RNF19A: variants seen among roughly 807,000 people sequenced by gnomAD.
The protein encoded by RNF19A is E3 ubiquitin-protein ligase RNF19A.
A neutral mutation model predicts 75.7 loss-of-function variants in RNF19A; 32 were observed. That is an observed-to-expected ratio of 0.42 (90% CI 0.32 to 0.57). The LOEUF (loss-of-function observed/expected upper bound fraction) is 0.57. Among genes scored for constraint, RNF19A ranks in the 20% least tolerant of loss-of-function variants. RNF19A has a pLI of 0.10. For synonymous variants in RNF19A, 335 were observed against 345.2 expected, an observed-to-expected ratio of 0.97 and a Z score of 0.33; for missense variants, 782 against 1,036.3, an observed-to-expected ratio of 0.75 and a Z score of 3.37.
In RNF19A at chr8:100,257,519, A is replaced by G. The variant is rs1159276156; in HGVS notation, c.*1037T>C. 6.5e-6 allele frequency: 1 copy of G among 152,928 alleles called. No homozygotes were observed. The highest frequency in any genetic ancestry group is 2.4e-5 in the African/African-American group (1 of 41,458). 9.5% of individuals were successfully genotyped at this position (152,928 alleles called of 1,614,324 possible). A position where few individuals can be genotyped will look rare whatever the true frequency, so the allele number is the denominator to read the frequency against. On this transcript the variant is annotated 3_prime_UTR_variant, in exon 10 of 10. Coordinates refer to ENST00000341084, the MANE Select transcript of RNF19A (RefSeq NM_183419.4). Reference sequence around the variant, plus strand: ...GGTACAAGTTCTGCACCGTGCTTTGATTTCATGGTTGGAGAAGATATGCAT... The same window carrying G: ...GGTACAAGTTCTGCACCGTGCTTTGGTTTCATGGTTGGAGAAGATATGCAT...
chr8:100,325,387 C>T lies in RNF19A; in HGVS notation c.-243+10721G>A, dbSNP rs1822520593. ...ATAAAATTACAAAGTAATTCTGGAT[C>T]TGCCTCTATGGTGTCTGCTAATTTG... On this transcript the variant is annotated intron_variant, in intron 1 of 3. Coordinates refer to the RNF19A transcript ENST00000519527. The surrounding 1 kb of genome is among the most constrained non-coding windows in gnomAD (Gnocchi z 4.3). Among the ~76,000 whole-genome samples the T allele has an allele frequency of 6.6e-6, 1 of 152,200 alleles. No individual in the cohort carries two copies. Among genetic ancestry groups the T allele is most frequent in the South Asian group, 2.1e-4 (1 of 4,828 alleles).
At chr8:100,265,432 C>G (rs1286827405) in intron 5 of RNF19A, among the ~76,000 whole-genome samples, 2 of 152,090 alleles carry the variant, frequency 1.3e-5, no homozygotes, top group Non-Finnish European at 2.9e-5. Flanking sequence ...TCAGCAATCT[C>G]TGTACAGGAC....
intron 2 of RNF19A, among the ~76,000 whole-genome samples, chr8:100,281,428 TATA>T (rs1451129591): frequency 2.0e-5 from 3 of 152,232 alleles, no homozygotes; most frequent in Admixed American, 6.5e-5. Flanking sequence ...TTAAGTCATT[TATA>T]ATATCTCCTG....
At chr8:100,312,676 C>T (rs1822318624), upstream of RNF19A, among the ~76,000 whole-genome samples, 1 of 152,200 alleles carries the variant, frequency 6.6e-6, no homozygotes, top group South Asian at 2.1e-4. Context: ...GTAATCCCGG[C>T]ACTTTGGGAG....
intron 2 of RNF19A, among the ~76,000 whole-genome samples, chr8:100,279,869 TAGTC>T (rs962754189): frequency 9.2e-5 from 14 of 152,100 alleles, no homozygotes; most frequent in African/African-American, 3.1e-4. Flanking sequence ...TTTGCCATGT[TAGTC>T]AGGCTGGTCT....
intron 1 of RNF19A, among the ~76,000 whole-genome samples, chr8:100,298,988 T>G (rs1821700711): frequency 6.6e-6 from 1 of 152,204 alleles, no homozygotes; most frequent in African/African-American, 2.4e-5. Flanking sequence ...GATACCTAGC[T>G]GTCAAAAATT....
chr8:100,303,782 A>AAT (rs1391845303), intron 1 of RNF19A, among the ~76,000 whole-genome samples: 1 of 151,060 alleles, frequency 6.6e-6, no homozygotes, highest in Non-Finnish European at 1.5e-5. Context: ...AAAAAAAAAA[A>AAT]AAATGATTAG....
chr8:100,323,416 A>G lies in RNF19A; in HGVS notation c.-242-10044T>C, dbSNP rs917363647. Among the ~76,000 whole-genome samples, 3 of 152,232 alleles carry G rather than the reference A, an allele frequency of 2.0e-5. No homozygotes were observed. The highest frequency in any genetic ancestry group is 4.4e-5 in the Non-Finnish European group (3 of 68,044). On this transcript the variant is annotated intron_variant, in intron 1 of 3. Coordinates refer to the RNF19A transcript ENST00000519527. The surrounding 1 kb of genome is among the most constrained non-coding windows in gnomAD (Gnocchi z 4.6). ...AAGAAAACAGTAGAGAAAGGCAACT[A>G]AGTAGAAAATAACTCCTGCTGGACA...
intron 2 of RNF19A, among the ~76,000 whole-genome samples, chr8:100,277,014 C>T (rs1341822609): frequency 2.0e-5 from 3 of 152,138 alleles, no homozygotes; most frequent in Non-Finnish European, 4.4e-5. Flanking sequence ...TGAATTATTT[C>T]TTACAACTGC....
At chr8:100,321,002 C>A (rs1822458514) in intron 1 of RNF19A, among the ~76,000 whole-genome samples, 1 of 152,174 alleles carries the variant, frequency 6.6e-6, no homozygotes, top group African/African-American at 2.4e-5. Context: ...TTCAGCAAGT[C>A]AAAGACATAA....
At chr8:100,290,890 C>T (rs1466189364) in intron 1 of RNF19A, among the ~76,000 whole-genome samples, 2 of 152,126 alleles carry the variant, frequency 1.3e-5, no homozygotes, top group African/African-American at 4.8e-5. Context: ...TACCTAAACA[C>T]AGATGTTTCA....
At chr8:100,271,398 T>C (rs1820247268) in intron 3 of RNF19A, among the ~76,000 whole-genome samples, 1 of 152,226 alleles carries the variant, frequency 6.6e-6, no homozygotes, top group Non-Finnish European at 1.5e-5. Flanking sequence ...TTATGCCTGA[T>C]ACAACACGTG....
intron 3 of RNF19A, among the ~76,000 whole-genome samples, chr8:100,272,891 G>A (rs1021405768): frequency 6.6e-6 from 1 of 150,510 alleles, no homozygotes; most frequent in Non-Finnish European, 1.5e-5. Flanking sequence ...TTGGAAACAG[G>A]GTCTCACTCT....
intron 1 of RNF19A, among the ~76,000 whole-genome samples, chr8:100,289,099 C>G (rs1466594315): frequency 6.7e-6 from 1 of 149,084 alleles, no homozygotes; most frequent in Admixed American, 6.7e-5. Context: ...GTATATGAGA[C>G]TTGATTTCTG....
upstream of RNF19A, chr8:100,310,087 C>G (rs1462685508): frequency 1.0e-6 from 1 of 985,442 alleles, no homozygotes; most frequent in Admixed American, 6.1e-5. Flanking sequence ...CGGGAACCAG[C>G]GCCGCAACTA....
Position 100,322,957 on chromosome 8 carries a change from TATA to T in RNF19A, c.-242-9588_-242-9586del, listed in dbSNP as rs1424257001. Among the ~76,000 whole-genome samples the T allele has an allele frequency of 2.6e-5, 4 of 152,118 alleles. No homozygotes were observed. The highest frequency in any genetic ancestry group is 9.7e-5 in the African/African-American group (4 of 41,428). ...ACTGATTACAGATCACCATAACAGA[TATA>T]ATAATAACTTAAAAGTTTGAAATAT... On this transcript the variant is annotated intron_variant, in intron 1 of 3. Transcript: ENST00000519527. The surrounding 1 kb of genome is among the most constrained non-coding windows in gnomAD (Gnocchi z 5.1).
At chr8:100,303,451 C>T (rs543717101) in intron 1 of RNF19A, 1 of 152,292 alleles carries the variant, frequency 6.6e-6, no homozygotes, top group African/African-American at 2.4e-5. Context: ...TTAATTACAT[C>T]TGCAAAACCC....
chr8:100,334,979 C>A (rs531673551), intron 1 of RNF19A, among the ~76,000 whole-genome samples: 12 of 152,252 alleles, frequency 7.9e-5, no homozygotes, highest in African/African-American at 2.9e-4. Flanking sequence ...CTCAGATCTC[C>A]CCAAACAATA....
chr8:100,327,629 A>G (rs547638572), intron 1 of RNF19A, among the ~76,000 whole-genome samples: 4 of 152,298 alleles, frequency 2.6e-5, no homozygotes, highest in African/African-American at 9.6e-5. Flanking sequence ...CCATGACTTT[A>G]TTGTGGTCAT....
Sources: allele counts gnomAD v4.1 joint callset (sites outside exome capture counted in the v4.1 genomes callset), GRCh38; gene constraint gnomAD v4.1.1; non-coding constraint Gnocchi (gnomAD v3.1); transcripts MANE v1.5; gene names NCBI Gene and HGNC (gene_info 2026-07-23, HGNC 2026-07-21).